The following TAF1B variants were observed in gnomAD, a reference collection of about 807,000 sequenced individuals.
TAF1B encodes TATA box-binding protein-associated factor RNA polymerase I subunit B.
TAF1B carries 61 observed loss-of-function variants against 83.9 expected under a neutral mutation model. The observed-to-expected ratio is 0.73, with a 90% confidence interval of 0.59 to 0.90. The LOEUF is 0.90. TAF1B is among the 40% of genes least tolerant of loss of function. TAF1B has a pLI of 0.00. For missense variants in TAF1B, 625 were observed against 677.0 expected (o/e 0.92, Z 0.85); for synonymous variants, 221 against 224.6 (o/e 0.98, Z 0.14).
chr2:9,918,636 A>G (rs1212653857), intron 12 of TAF1B, among the ~76,000 whole-genome samples: 1 of 152,260 alleles, frequency 6.6e-6, no homozygotes, highest in Non-Finnish European at 1.5e-5. Flanking sequence ...TGTGTAAGTT[A>G]TCAGAATCAG....
chr2:9,864,742 TG>T (rs1174306979), intron 5 of TAF1B, among the ~76,000 whole-genome samples: 1 of 152,104 alleles, frequency 6.6e-6, no homozygotes, highest in African/African-American at 2.4e-5. Context: ...TTATCCACCA[TG>T]ATCAAGTGGG....
At chr2:9,904,400 C>T (rs964319979) in intron 8 of TAF1B, among the ~76,000 whole-genome samples, 2 of 152,162 alleles carry the variant, frequency 1.3e-5, no homozygotes, top group Non-Finnish European at 2.9e-5. Flanking sequence ...AGATAATGGC[C>T]TCCAGCTCCA....
chr2:9,877,494 C>A (rs779817799), intron 7 of TAF1B, among the ~76,000 whole-genome samples: 6 of 152,182 alleles, frequency 3.9e-5, no homozygotes, highest in Non-Finnish European at 7.4e-5. Context: ...CAGAACCATT[C>A]TTCTCTGCAT....
intron 7 of TAF1B, among the ~76,000 whole-genome samples, chr2:9,876,476 ATG>A: frequency 6.6e-6 from 1 of 152,340 alleles, no homozygotes; most frequent in South Asian, 2.1e-4. Flanking sequence ...TGTTGAAAGG[ATG>A]TGTTATCCAG....
chr2:9,908,928 G>A (rs1488985295), intron 9 of TAF1B, among the ~76,000 whole-genome samples: 1 of 152,186 alleles, frequency 6.6e-6, no homozygotes, highest in Non-Finnish European at 1.5e-5. Flanking sequence ...TGTGTCTTAA[G>A]TACCCAGAAC....
intron 8 of TAF1B, among the ~76,000 whole-genome samples, chr2:9,884,722 G>A (rs957083422): frequency 6.6e-6 from 1 of 152,170 alleles, no homozygotes; most frequent in Non-Finnish European, 1.5e-5. Flanking sequence ...GCTCTCAGCA[G>A]AGAGGGGGCC....
rs574661362 is a variant in TAF1B, at chr2:9,857,634, TA to T, written c.399+3215del. On this transcript the variant is annotated intron_variant, in intron 5 of 14. Coordinates refer to ENST00000263663, the MANE Select transcript of TAF1B (RefSeq NM_005680.3). ...AATTTCTAAACAAAAGAAGTTTAAT[TA>T]ACTCAGTTTTACATGGTTGGGGAGG... 5.8e-3 allele frequency among the ~76,000 whole-genome samples: 887 copies of T among 152,280 alleles called. 12 individuals carry two copies. Among genetic ancestry groups the T allele is most frequent in the Non-Finnish European group, 8.5e-3 (576 of 68,028 alleles).
intron 8 of TAF1B, among the ~76,000 whole-genome samples, chr2:9,901,790 C>G (rs1451761723): frequency 6.6e-6 from 1 of 151,956 alleles, no homozygotes; most frequent in African/African-American, 2.4e-5. Flanking sequence ...TTTCAAAGTT[C>G]ACTGAGAACT....
chr2:9,868,939 C>T (rs934652874), intron 6 of TAF1B, among the ~76,000 whole-genome samples: 3 of 152,156 alleles, frequency 2.0e-5, no homozygotes, highest in Admixed American at 6.5e-5. Context: ...GGCCTTCATT[C>T]CTTTATCAGT....
chr2:9,889,411 A>T (rs186590048), intron 8 of TAF1B, among the ~76,000 whole-genome samples: 5 of 152,020 alleles, frequency 3.3e-5, no homozygotes, highest in African/African-American at 9.7e-5. Context: ...TTCATTTCAG[A>T]TACTACATTT....
At chr2:9,877,243 A>G (rs1375148895) in intron 7 of TAF1B, among the ~76,000 whole-genome samples, 1 of 152,186 alleles carries the variant, frequency 6.6e-6, no homozygotes, top group East Asian at 1.9e-4. Context: ...CCATAGATTC[A>G]TATATACAGC....
At chr2:9,861,618 C>T (rs1663763377) in intron 5 of TAF1B, among the ~76,000 whole-genome samples, 1 of 152,210 alleles carries the variant, frequency 6.6e-6, no homozygotes, top group Non-Finnish European at 1.5e-5. Context: ...CACCATGCAG[C>T]TTGAGATCTG....
intron 6 of TAF1B, among the ~76,000 whole-genome samples, chr2:9,871,304 G>A (rs906620203): frequency 1.3e-5 from 2 of 151,976 alleles, no homozygotes; most frequent in African/African-American, 2.4e-5. Context: ...GGATGGCCTC[G>A]ATCTCCTGAC....
rs201129406 is a variant in TAF1B, at chr2:9,911,500, G to A, written c.1134-11G>A. ...TTCTAAATAAATTGATTTGTTTATT[G>A]TTATCTCCAGGTCTTTGTCTAATCT... On this transcript the variant is annotated splice_polypyrimidine_tract_variant and intron_variant, in intron 10 of 14. Coordinates refer to ENST00000263663, the MANE Select transcript of TAF1B (RefSeq NM_005680.3). 2 of 1,506,494 alleles carry A rather than the reference G, an allele frequency of 1.3e-6. No individual in the cohort carries two copies. The highest frequency in any genetic ancestry group is 1.8e-6 in the Non-Finnish European group (2 of 1,119,972). The allele number at this position is 1,506,494 out of a possible 1,614,324, so 93.3% of individuals were successfully genotyped here. A position where few individuals can be genotyped will look rare whatever the true frequency, so the allele number is the denominator to read the frequency against.
At chr2:9,884,493 G>A (rs991283395) in intron 8 of TAF1B, among the ~76,000 whole-genome samples, 2 of 152,216 alleles carry the variant, frequency 1.3e-5, no homozygotes, top group Non-Finnish European at 2.9e-5. Context: ...GAGATGAAGA[G>A]GAGCTTTATT....
At chr2:9,887,591 C>T (rs1034146357) in intron 8 of TAF1B, among the ~76,000 whole-genome samples, 1 of 151,794 alleles carries the variant, frequency 6.6e-6, no homozygotes, top group Non-Finnish European at 1.5e-5. Flanking sequence ...TTTTTCCAAT[C>T]TTTTATTTTT....
intron 5 of TAF1B, among the ~76,000 whole-genome samples, chr2:9,860,064 G>A (rs980809742): frequency 6.6e-6 from 1 of 152,184 alleles, no homozygotes; most frequent in African/African-American, 2.4e-5. Flanking sequence ...AGGGGGAAAT[G>A]CCACTTTTAA....
intron 8 of TAF1B, among the ~76,000 whole-genome samples, chr2:9,902,491 A>G (rs1665212347): frequency 6.6e-6 from 1 of 152,214 alleles, no homozygotes. Context: ...TATACTTTAT[A>G]TAACTGGAAT....
Position 9,913,156 on chromosome 2 carries a change from C to A in TAF1B, c.1181-3C>A, listed in dbSNP as rs1237848862. 1 of 1,595,054 alleles carries A rather than the reference C, an allele frequency of 6.3e-7. No individual in the cohort carries two copies. The highest frequency in any genetic ancestry group is 1.4e-5 in the African/African-American group (1 of 73,630). ...TAATAATCTTGGATTTTATTTCTTT[C>A]AGATAAGCCATGGTTTGATTTCAGA... On this transcript the variant is annotated splice_region_variant and splice_polypyrimidine_tract_variant and intron_variant, in intron 11 of 14. Coordinates refer to ENST00000263663, the MANE Select transcript of TAF1B (RefSeq NM_005680.3).
Sources: allele counts gnomAD v4.1 joint callset (sites outside exome capture counted in the v4.1 genomes callset), GRCh38; gene constraint gnomAD v4.1.1; transcripts MANE v1.5; gene names NCBI Gene and HGNC (gene_info 2026-07-23, HGNC 2026-07-21).